The following CSMD2 variants were observed in gnomAD, a reference collection of about 807,000 sequenced individuals.
CSMD2 encodes the protein CUB and Sushi multiple domains 2.
CSMD2 carries 130 observed loss-of-function variants against 398.5 expected under a neutral mutation model. The observed-to-expected ratio is 0.33, with a 90% confidence interval of 0.28 to 0.38. The LOEUF (loss-of-function observed/expected upper bound fraction) is 0.38. Among genes scored for constraint, CSMD2 ranks in the 10% least tolerant of loss-of-function variants. The pLI, the probability that CSMD2 is intolerant of heterozygous loss-of-function variation, is 1.00. For missense variants in CSMD2, 3,829 were observed against 4,764.9 expected, an observed-to-expected ratio of 0.80 and a Z score of 5.78; for synonymous variants, 1,828 against 1,908.5, an observed-to-expected ratio of 0.96 and a Z score of 1.10.
At chr1:33,724,834 A>G in intron 17 of CSMD2, 130 bp from the exon 18 acceptor site, 1 of 818,596 alleles carries the variant, frequency 1.2e-6, no homozygotes, top group Non-Finnish European at 1.9e-6. Context: ...TGACTCATGA[A>G]ATGTGGCCGT....
intron 25 of CSMD2, among the ~76,000 whole-genome samples, chr1:33,674,027 A>G (rs1018168940): frequency 3.3e-5 from 5 of 152,208 alleles, no homozygotes; most frequent in Non-Finnish European, 1.5e-5. Context: ...AAAGACCATC[A>G]AGGCTAGGAA....
intron 3 of CSMD2, among the ~76,000 whole-genome samples, chr1:33,995,080 A>G (rs1370595887): frequency 1.3e-5 from 2 of 152,038 alleles, no homozygotes; most frequent in African/African-American, 2.4e-5. Context: ...AGAAAAGAAA[A>G]AAAAAAAAAA....
In CSMD2 at chr1:34,032,679, G is replaced by C; in HGVS notation, c.432C>G (p.Thr144=). 1 of 1,598,112 alleles carries C rather than the reference G, an allele frequency of 6.3e-7. No homozygotes were observed. Among genetic ancestry groups the C allele is most frequent in the South Asian group, 1.1e-5 (1 of 87,694 alleles). ...AGAGGGTGGTGGCTGCACTAACAAT[G>C]GTGGCTGGCAGCTGAAAGCCTGTGA... ...TRLTGFQLPA[T]IVSAATTLSL... is the part of the protein sequence containing the mutation. Residue 144 remains threonine (T), a synonymous_variant, in exon 3 of 71, where the codon ACC becomes ACG. Coordinates refer to ENST00000373381, the MANE Select transcript of CSMD2 (RefSeq NM_001281956.2).
intron 3 of CSMD2, among the ~76,000 whole-genome samples, chr1:33,952,764 T>C (rs1645048211): frequency 6.6e-6 from 1 of 152,166 alleles, no homozygotes; most frequent in Non-Finnish European, 1.5e-5. Flanking sequence ...TTTTTCACTT[T>C]TGTATCCCAG....
chr1:33,896,321 G>A (rs1353918938), intron 5 of CSMD2, among the ~76,000 whole-genome samples: 1 of 152,068 alleles, frequency 6.6e-6, no homozygotes, highest in Non-Finnish European at 1.5e-5. Context: ...CATTTTTGCA[G>A]TAGGACCATT....
intron 3 of CSMD2, among the ~76,000 whole-genome samples, chr1:34,020,867 C>G (rs1411805010): frequency 1.3e-5 from 2 of 152,120 alleles, no homozygotes; most frequent in African/African-American, 4.8e-5. Context: ...TTGTTGTCTT[C>G]ATCTCAGAGG....
At chr1:34,143,711 G>A (rs1639513006) in intron 1 of CSMD2, among the ~76,000 whole-genome samples, 1 of 152,178 alleles carries the variant, frequency 6.6e-6, no homozygotes, top group Admixed American at 6.5e-5. Context: ...AAGGAAGGAA[G>A]GAGGGGAAAA....
intron 2 of CSMD2, among the ~76,000 whole-genome samples, chr1:34,079,622 C>T (rs1180547767): frequency 6.6e-6 from 1 of 151,948 alleles, no homozygotes; most frequent in African/African-American, 2.4e-5. Context: ...CTTTGGAAAC[C>T]AAGGAATACA....
chr1:34,119,550 G>T (rs1558417091), intron 1 of CSMD2, among the ~76,000 whole-genome samples: 2 of 152,122 alleles, frequency 1.3e-5, no homozygotes. Context: ...AGAATATACA[G>T]AGAACTCCTC....
rs998542659 is a variant in CSMD2, at chr1:33,616,586, C to T, written c.6016+320G>A. ...TTTGTCTGTCTGTCCCACAAGAAGT[C>T]ACGGGGGAAGCCCAAAGTGCCTAGA... On this transcript the variant is annotated intron_variant, in intron 39 of 70. Transcript: ENST00000373381. 2.0e-5 allele frequency among the ~76,000 whole-genome samples: 3 copies of T among 152,276 alleles called. No homozygotes were observed. In the South Asian group the frequency reaches 6.2e-4, roughly 32 times the overall value.
At chr1:33,709,054 T>G in intron 22 of CSMD2, 35 bp downstream of exon 22, 1 of 1,569,590 alleles carries the variant, frequency 6.4e-7, no homozygotes, top group Admixed American at 1.8e-5. Flanking sequence ...TATTGCATAC[T>G]ATAACACACA....
intron 1 of CSMD2, among the ~76,000 whole-genome samples, chr1:34,150,650 C>G (rs61769836): frequency 6.6e-6 from 1 of 151,908 alleles, no homozygotes; most frequent in Non-Finnish European, 1.5e-5. Flanking sequence ...CTGCAGCTCA[C>G]GCTTGTAATC....
chr1:33,546,571 A>G (rs1476821350), intron 56 of CSMD2, among the ~76,000 whole-genome samples: 1 of 151,856 alleles, frequency 6.6e-6, no homozygotes, highest in African/African-American at 2.4e-5. Flanking sequence ...CTGTAGTCCC[A>G]TCTCCTCTCC....
intron 48 of CSMD2, among the ~76,000 whole-genome samples, chr1:33,579,136 T>A (rs1464166867): frequency 2.0e-5 from 3 of 152,202 alleles, no homozygotes; most frequent in African/African-American, 4.8e-5. Flanking sequence ...CCAAACACGT[T>A]AGAACATCAA....
chr1:33,534,966 C>T (rs1442090627), intron 62 of CSMD2, among the ~76,000 whole-genome samples: 1 of 152,160 alleles, frequency 6.6e-6, no homozygotes, highest in Non-Finnish European at 1.5e-5. Flanking sequence ...CTAAGTGCAT[C>T]TATTCTCAAC....
intron 15 of CSMD2, among the ~76,000 whole-genome samples, chr1:33,735,789 A>G (rs1423407562): frequency 1.3e-5 from 2 of 152,220 alleles, no homozygotes; most frequent in Admixed American, 6.5e-5. Flanking sequence ...TAGCTTCTGC[A>G]TTTAATTGTC....
intron 3 of CSMD2, among the ~76,000 whole-genome samples, chr1:34,005,267 T>A (rs746204575): frequency 1.7e-4 from 26 of 152,202 alleles, no homozygotes; most frequent in Non-Finnish European, 3.4e-4. Flanking sequence ...TGACGGGTCA[T>A]GTGCTCATTT....
chr1:33,976,851 T>C (rs1645984347), intron 3 of CSMD2, among the ~76,000 whole-genome samples: 4 of 152,150 alleles, frequency 2.6e-5, no homozygotes, highest in Admixed American at 2.0e-4. Context: ...AGCATAGTTC[T>C]TGGCATATGA....
At chr1:34,111,007 G>A (rs1156938376) in intron 1 of CSMD2, among the ~76,000 whole-genome samples, 5 of 152,130 alleles carry the variant, frequency 3.3e-5, no homozygotes, top group African/African-American at 4.8e-5. Flanking sequence ...TCAATAGCAT[G>A]TATCACTCTG....
Sources: allele counts gnomAD v4.1 joint callset (sites outside exome capture counted in the v4.1 genomes callset), GRCh38; gene constraint gnomAD v4.1.1; transcripts MANE v1.5; gene names NCBI Gene and HGNC (gene_info 2026-07-23, HGNC 2026-07-21).